Variants in ANK2 observed in about 807,000 individuals in gnomAD.
ANK2 encodes the protein ankyrin 2.
In ANK2, 83 loss-of-function variants were observed where a neutral mutation model predicts 360.5. The ratio of observed to expected loss-of-function variants is 0.23; its 90% CI spans 0.19 to 0.28. ANK2 has a LOEUF of 0.28. Ranked by LOEUF, ANK2 falls within the 10% of genes least tolerant of loss-of-function variation. The pLI is 1.00. For synonymous variants in ANK2, 1,740 were observed against 1,759.5 expected, an observed-to-expected ratio of 0.99 and a Z score of 0.28; for missense variants, 4,201 against 4,795.7, an observed-to-expected ratio of 0.88 and a Z score of 3.66.
chr4:112,848,225 A>G (rs767536691), intron 1 of ANK2, among the ~76,000 whole-genome samples: 1 of 152,062 alleles, frequency 6.6e-6, no homozygotes, highest in Non-Finnish European at 1.5e-5. Flanking sequence ...CCTGGGTTCA[A>G]GCGATTCACC....
the ANK2 span, among the ~76,000 whole-genome samples, chr4:112,723,771 C>G: frequency 6.6e-6 from 1 of 152,124 alleles, no homozygotes. Context: ...TCTTTAGAAC[C>G]TAACAACAAA....
chr4:113,373,761 G>A (rs772089530), intron 45 of ANK2: 1 of 493,186 alleles, frequency 2.0e-6, no homozygotes, highest in Non-Finnish European at 3.9e-6. Context: ...AATTCTATTT[G>A]CTGGGCAAGC....
chr4:112,791,835 A>G, the ANK2 span, among the ~76,000 whole-genome samples: 1 of 151,930 alleles, frequency 6.6e-6, no homozygotes, highest in South Asian at 2.1e-4. Flanking sequence ...TAGATAAAAG[A>G]AGTAAAAATA....
intron 29 of ANK2, among the ~76,000 whole-genome samples, chr4:113,335,345 T>C (rs2093369616): frequency 6.6e-6 from 1 of 152,184 alleles, no homozygotes; most frequent in African/African-American, 2.4e-5. Flanking sequence ...CTCTTACTCT[T>C]CCAAGATAGA....
chr4:112,845,043 C>T (rs1052958456), intron 1 of ANK2, among the ~76,000 whole-genome samples: 9 of 152,080 alleles, frequency 5.9e-5, no homozygotes, highest in East Asian at 1.9e-4. Flanking sequence ...CCCACTGTGA[C>T]GACGTAACTT....
rs115927126 is a variant in ANK2, at chr4:113,158,330, C to T, written c.85-16086C>T. On this transcript the variant is annotated intron_variant, in intron 1 of 45. Transcript: ENST00000357077. ...CATCAGTATAAACCCAATCAAAACA[C>T]ATATGAGTAATTCTCTTACTTGAAA... is the stretch of plus-strand genomic sequence containing the variant. Among the ~76,000 whole-genome samples the T allele has an allele frequency of 2.3e-3, 344 of 152,310 alleles. 1 individual carries two copies. The highest frequency in any genetic ancestry group is 7.9e-3 in the African/African-American group (329 of 41,564).
intron 2 of ANK2, among the ~76,000 whole-genome samples, chr4:112,972,702 A>T (rs537765931): frequency 6.6e-5 from 10 of 152,330 alleles, no homozygotes; most frequent in African/African-American, 2.4e-4. Context: ...TCATTATTTG[A>T]AAAAGACACA....
At chr4:113,081,120 TG>T (rs2082245530) in intron 1 of ANK2, among the ~76,000 whole-genome samples, 1 of 152,226 alleles carries the variant, frequency 6.6e-6, no homozygotes, top group African/African-American at 2.4e-5. Context: ...TTAAAGAATT[TG>T]GTTTCTTGAA....
chr4:113,086,198 G>A (rs1304607419), intron 1 of ANK2, among the ~76,000 whole-genome samples: 1 of 152,102 alleles, frequency 6.6e-6, no homozygotes, highest in African/African-American at 2.4e-5. Context: ...TATAGACACT[G>A]ACTACACTTT....
chr4:113,174,131 A>G (rs1014580593), intron 1 of ANK2: 2 of 351,590 alleles, frequency 5.7e-6, no homozygotes, highest in Non-Finnish European at 5.5e-6. Context: ...CACGTCTTCA[A>G]TTGTGGCTGA....
chr4:113,136,286 G>T (rs749355418), intron 1 of ANK2, among the ~76,000 whole-genome samples: 3 of 152,174 alleles, frequency 2.0e-5, no homozygotes, highest in Non-Finnish European at 4.4e-5. Context: ...TGGCCAGGCA[G>T]GGCTTCCAAG....
chr4:113,084,639 A>C (rs1053875277), intron 1 of ANK2, among the ~76,000 whole-genome samples: 1 of 152,102 alleles, frequency 6.6e-6, no homozygotes, highest in African/African-American at 2.4e-5. Flanking sequence ...GTAAAAGGGG[A>C]GAAACTATTT....
In ANK2 at chr4:113,085,107, C is replaced by T. The variant is rs146457928; in HGVS notation, c.84+35295C>T. On this transcript the variant is annotated intron_variant, in intron 1 of 45. Transcript: ENST00000357077. ...TATCTGGACACTAGAAACGGCCATT[C>T]GTGTACGTTTTTCAGGTTGTACAAT... Among the ~76,000 whole-genome samples, 27 of 152,204 alleles carry T rather than the reference C, an allele frequency of 1.8e-4. No individual in the cohort carries two copies. In the South Asian group the frequency reaches 4.6e-3, roughly 26 times the overall value.
intron 4 of ANK2, among the ~76,000 whole-genome samples, chr4:113,201,231 T>G (rs1334527437): frequency 6.6e-6 from 1 of 152,128 alleles, no homozygotes; most frequent in African/African-American, 2.4e-5. Context: ...AGAGAACATC[T>G]TTTTGCTTTA....
chr4:113,133,078 T>G (rs1377237440), intron 1 of ANK2, among the ~76,000 whole-genome samples: 2 of 152,178 alleles, frequency 1.3e-5, no homozygotes, highest in African/African-American at 4.8e-5. Flanking sequence ...AATGGAGTTA[T>G]ATTTTGAGGG....
At chr4:113,242,073 A>G (rs1376974838) in intron 8 of ANK2, 38 bp from the exon 9 acceptor site, 1 of 1,553,470 alleles carries the variant, frequency 6.4e-7, no homozygotes, top group Admixed American at 1.7e-5. Context: ...ATGCCCTGTC[A>G]TACCCAACAG....
chr4:112,986,894 A>AC (rs1473923633), intron 2 of ANK2, among the ~76,000 whole-genome samples: 1 of 152,196 alleles, frequency 6.6e-6, no homozygotes, highest in African/African-American at 2.4e-5. Flanking sequence ...ATAGACACTG[A>AC]CACACATGGC....
intron 1 of ANK2, among the ~76,000 whole-genome samples, chr4:113,171,217 A>G (rs1308903383): frequency 6.6e-6 from 1 of 152,174 alleles, no homozygotes; most frequent in South Asian, 2.1e-4. Flanking sequence ...AAATTGCTGT[A>G]TCTCTCTCCC....
intron 1 of ANK2, chr4:113,106,960 A>G: frequency 5.7e-6 from 3 of 527,408 alleles, no homozygotes; most frequent in Middle Eastern, 4.4e-4. Context: ...AGAACCTATT[A>G]CAGAGACTTC....
Sources: gnomAD v4.1 joint callset for allele counts (sites outside exome capture counted in the v4.1 genomes callset) on GRCh38, gnomAD v4.1.1 for gene constraint, MANE v1.5 for transcripts, NCBI Gene and HGNC (gene_info 2026-07-23, HGNC 2026-07-21) for gene names.